Variants in LYRM4 observed in about 807,000 individuals in gnomAD.
LYRM4 encodes the protein LYR motif-containing protein 4.
Under a neutral mutation model 11.7 loss-of-function variants are expected in LYRM4, and 9 were observed. The ratio of observed to expected loss-of-function variants is 0.77; its 90% CI spans 0.46 to 1.34. LYRM4 has a LOEUF of 1.34. LYRM4 is among the 40% of genes most tolerant of loss of function. The probability of loss-of-function intolerance (pLI) is 0.00; values close to 1 mark genes in which losing one functional copy is unlikely to be tolerated. For synonymous variants in LYRM4, 42 were observed against 40.4 expected, an observed-to-expected ratio of 1.04 and a Z score of -0.15; for missense variants, 133 against 112.5, an observed-to-expected ratio of 1.18 and a Z score of -0.82.
intron 2 of LYRM4, among the ~76,000 whole-genome samples, chr6:5,194,637 A>T (rs1057485213): frequency 6.6e-6 from 1 of 152,388 alleles, no homozygotes; most frequent in Middle Eastern, 3.4e-3. Flanking sequence ...CTCCAGTAGA[A>T]GTGAAAGCGT....
At chr6:5,095,929 G>C in the LYRM4 span, among the ~76,000 whole-genome samples, 2 of 152,192 alleles carry the variant, frequency 1.3e-5, no homozygotes, top group Non-Finnish European at 2.9e-5. Flanking sequence ...GCAGTGAGCC[G>C]AGATCGCACA....
chr6:5,076,799 G>A, the LYRM4 span, among the ~76,000 whole-genome samples: 75 of 152,278 alleles, frequency 4.9e-4, no homozygotes, highest in African/African-American at 1.7e-3. Flanking sequence ...TGAAAATGCC[G>A]GCTCATTGAG....
intron 2 of LYRM4, among the ~76,000 whole-genome samples, chr6:5,112,330 C>T (rs1156263932): frequency 6.6e-6 from 1 of 152,236 alleles, no homozygotes; most frequent in Non-Finnish European, 1.5e-5. Flanking sequence ...GGGCCTCGCA[C>T]AGTCCTGGTA....
chr6:5,061,410 A>G, the LYRM4 span, among the ~76,000 whole-genome samples: 1 of 152,202 alleles, frequency 6.6e-6, no homozygotes, highest in African/African-American at 2.4e-5. Context: ...TGAATATCTT[A>G]TTGCATTTTG....
At chr6:5,167,214 T>C (rs1759135888) in intron 2 of LYRM4, among the ~76,000 whole-genome samples, 1 of 152,220 alleles carries the variant, frequency 6.6e-6, no homozygotes, top group Non-Finnish European at 1.5e-5. Flanking sequence ...CAGAGTAATA[T>C]ACGCAAGGGA....
chr6:5,124,837 G>A (rs1348284535), intron 2 of LYRM4, among the ~76,000 whole-genome samples: 1 of 152,170 alleles, frequency 6.6e-6, no homozygotes, highest in Non-Finnish European at 1.5e-5. Context: ...CGCAGACCAT[G>A]CTCTGGAAAA....
At chr6:5,191,828 A>G (rs139389969) in intron 2 of LYRM4, among the ~76,000 whole-genome samples, 79 of 152,324 alleles carry the variant, frequency 5.2e-4, no homozygotes, top group African/African-American at 1.7e-3. Context: ...GCATGAACCA[A>G]TAATTGTACA....
intron 1 of LYRM4, among the ~76,000 whole-genome samples, chr6:5,223,755 A>C (rs775005618): frequency 1.3e-5 from 2 of 152,226 alleles, no homozygotes; most frequent in Non-Finnish European, 2.9e-5. Context: ...TAATTGTTTT[A>C]AAAAGGAAGA....
intron 2 of LYRM4, among the ~76,000 whole-genome samples, chr6:5,132,153 G>A (rs1311172769): frequency 6.6e-6 from 1 of 152,194 alleles, no homozygotes; most frequent in Non-Finnish European, 1.5e-5. Context: ...TAAGTTTGAG[G>A]ATCACTTGCT....
the LYRM4 span, among the ~76,000 whole-genome samples, chr6:5,077,955 G>A: frequency 2.0e-5 from 3 of 152,154 alleles, no homozygotes; most frequent in Admixed American, 1.3e-4. Flanking sequence ...TTGCTTGTAT[G>A]TTAAGAATAA....
the LYRM4 span, among the ~76,000 whole-genome samples, chr6:5,096,494 C>T: frequency 2.0e-4 from 31 of 152,140 alleles, 1 homozygote; most frequent in Middle Eastern, 0.014. Context: ...TTCAAAAAAA[C>T]AAACACAAAA....
intron 1 of LYRM4, among the ~76,000 whole-genome samples, chr6:5,256,491 G>GAAAAAAAA (rs1161084364): frequency 2.3e-5 from 1 of 43,880 alleles, no homozygotes; most frequent in Non-Finnish European, 3.6e-5. Flanking sequence ...ATTTCAACTG[G>GAAAAAAAA]AAAAAAAAAA....
intron 2 of LYRM4, among the ~76,000 whole-genome samples, chr6:5,173,827 C>T (rs927394452): frequency 1.3e-5 from 2 of 152,092 alleles, no homozygotes; most frequent in African/African-American, 4.8e-5. Flanking sequence ...AAAATATAGC[C>T]GTAACCTGCT....
intron 1 of LYRM4, among the ~76,000 whole-genome samples, chr6:5,247,904 A>C (rs1054625514): frequency 2.0e-5 from 3 of 152,238 alleles, no homozygotes; most frequent in African/African-American, 7.2e-5. Context: ...TTAATCGGCA[A>C]ATTATTAACA....
At chr6:5,134,087 T>G (rs1764080278) in intron 2 of LYRM4, among the ~76,000 whole-genome samples, 1 of 152,252 alleles carries the variant, frequency 6.6e-6, no homozygotes, top group Non-Finnish European at 1.5e-5. Context: ...AGACTGTGTC[T>G]GAACCTGTTT....
At chr6:5,158,238 C>T (rs1263377387) in intron 2 of LYRM4, among the ~76,000 whole-genome samples, 3 of 151,908 alleles carry the variant, frequency 2.0e-5, no homozygotes, top group Admixed American at 1.3e-4. Context: ...ATCTCTATAC[C>T]GATATAAGAG....
intron 2 of LYRM4, among the ~76,000 whole-genome samples, chr6:5,189,286 GCTTAGCCTAAGGTTA>G (rs1296960790): frequency 4.7e-5 from 7 of 149,230 alleles, no homozygotes; most frequent in African/African-American, 1.3e-4. Context: ...TAAGGTTAGT[GCTTAGCCTAAGGTTA>G]GTGGTGAGCC....
chr6:5,105,716 A>C (rs937108796), downstream of LYRM4: 1 of 152,500 alleles, frequency 6.6e-6, no homozygotes, highest in African/African-American at 2.4e-5. Context: ...CAGGAGGCTG[A>C]GGCAGGAGAA....
chr6:5,096,574 C>T, the LYRM4 span, among the ~76,000 whole-genome samples: 2 of 152,134 alleles, frequency 1.3e-5, no homozygotes, highest in Non-Finnish European at 2.9e-5. Flanking sequence ...GGGGAGGTGG[C>T]CTGTGTGGGG....
Sources: allele counts gnomAD v4.1 joint callset (sites outside exome capture counted in the v4.1 genomes callset), GRCh38; gene constraint gnomAD v4.1.1; transcripts MANE v1.5; gene names NCBI Gene and HGNC (gene_info 2026-07-23, HGNC 2026-07-21).